The following PDE1C variants were observed in gnomAD, a reference collection of about 807,000 sequenced individuals.
PDE1C encodes the protein phosphodiesterase 1C.
Under a neutral mutation model 93.1 loss-of-function variants are expected in PDE1C, and 62 were observed. The observed-to-expected ratio is 0.67, with a 90% CI of 0.54 to 0.82. The LOEUF (loss-of-function observed/expected upper bound fraction) is 0.82. Among genes scored for constraint, PDE1C ranks in the 40% least tolerant of loss-of-function variants. The probability of loss-of-function intolerance (pLI) is 0.00; values close to 1 mark genes in which losing one functional copy is unlikely to be tolerated. For missense variants in PDE1C, 742 were observed against 884.6 expected, an observed-to-expected ratio of 0.84 and a Z score of 2.04; for synonymous variants, 325 against 310.1, an observed-to-expected ratio of 1.05 and a Z score of -0.50.
chr7:31,930,673 T>A (rs188149756), intron 2 of PDE1C, among the ~76,000 whole-genome samples: 165 of 151,574 alleles, frequency 1.1e-3, no homozygotes, highest in African/African-American at 3.9e-3. Flanking sequence ...ACCTCATCTC[T>A]ACTAAAAATA....
At position 31,970,893 on chromosome 7, in the gene PDE1C, A is replaced by T. The variant is rs543496403; in HGVS notation, c.128+80661T>A. Among the ~76,000 whole-genome samples, 3 of 152,292 alleles carry T rather than the reference A, an allele frequency of 2.0e-5. No individual in the cohort carries two copies. In the South Asian group the frequency reaches 6.2e-4, roughly 32 times the overall value. The stretch of plus-strand genomic sequence containing the variant: ...TGTGGTGGCTCATGCCTGTAATCCC[A>T]GCACTTTGGGAAGCTGAGGTGGGAG... On this transcript the variant is annotated intron_variant, in intron 2 of 17. Transcript: ENST00000396191.
At chr7:32,279,226 TC>T (rs1297623283) in intron 1 of PDE1C, among the ~76,000 whole-genome samples, 1 of 152,088 alleles carries the variant, frequency 6.6e-6, no homozygotes, top group East Asian at 1.9e-4. Flanking sequence ...AAAAGGCCAA[TC>T]AAAGAACATT....
intron 1 of PDE1C, among the ~76,000 whole-genome samples, chr7:32,247,864 T>A (rs886990780): frequency 2.6e-5 from 4 of 152,160 alleles, no homozygotes; most frequent in Non-Finnish European, 5.9e-5. Flanking sequence ...AACCCCATCA[T>A]AAGTCTGTAC....
chr7:31,620,316 C>G, the PDE1C span, among the ~76,000 whole-genome samples: 18,059 of 151,660 alleles, frequency 0.12, 1,211 homozygotes, highest in Middle Eastern at 0.18. Flanking sequence ...TCAAGTGGGT[C>G]CCTGACCCCT....
chr7:32,155,008 T>C (rs1236353634), intron 3 of PDE1C, among the ~76,000 whole-genome samples: 3 of 151,888 alleles, frequency 2.0e-5, no homozygotes, highest in Non-Finnish European at 4.4e-5. Context: ...GCAGTGAGAG[T>C]CCACACCAGG....
chr7:32,123,963 C>T (rs1338289137), intron 3 of PDE1C, among the ~76,000 whole-genome samples: 1 of 152,142 alleles, frequency 6.6e-6, no homozygotes, highest in East Asian at 1.9e-4. Flanking sequence ...ACCCCACCAT[C>T]GCAGCCCAAA....
chr7:31,636,235 G>A, the PDE1C span, among the ~76,000 whole-genome samples: 5,912 of 152,192 alleles, frequency 0.039, 404 homozygotes, highest in African/African-American at 0.14. Flanking sequence ...GATGAAATTT[G>A]GGTGGGGACA....
At chr7:31,864,703 C>G (rs1000516266) in intron 7 of PDE1C, among the ~76,000 whole-genome samples, 7 of 152,034 alleles carry the variant, frequency 4.6e-5, no homozygotes, top group African/African-American at 1.7e-4. Flanking sequence ...TGGTTATAAC[C>G]CAGTGAAGAC....
intron 1 of PDE1C, among the ~76,000 whole-genome samples, chr7:32,309,839 A>G (rs1289681071): frequency 5.9e-5 from 9 of 152,240 alleles, no homozygotes; most frequent in Non-Finnish European, 5.9e-5. Flanking sequence ...AAACTGGATC[A>G]ACTAACAAGC....
chr7:31,619,231 T>C, the PDE1C span, among the ~76,000 whole-genome samples: 1 of 152,208 alleles, frequency 6.6e-6, no homozygotes, highest in South Asian at 2.1e-4. Flanking sequence ...ATTTTTGTCA[T>C]AGTAAAATGG....
upstream of PDE1C, among the ~76,000 whole-genome samples, chr7:32,072,345 T>C (rs1018621058): frequency 2.0e-5 from 3 of 152,220 alleles, no homozygotes; most frequent in South Asian, 2.1e-4. Flanking sequence ...GAGGCGCATA[T>C]ATTTTCACTG....
chr7:31,837,184 C>G lies in PDE1C; in HGVS notation c.1199G>C (p.Arg400Thr). 1.2e-6 allele frequency: 2 copies of G among 1,612,908 alleles called. No homozygotes were observed. Among genetic ancestry groups the G allele is most frequent in the Non-Finnish European group, 1.7e-6 (2 of 1,179,486 alleles). Residue 400 changes from arginine to threonine, a missense_variant, in exon 11 of 18, where the codon AGA becomes ACA. Physicochemically the swap from Arg to Thr is moderately conservative, Grantham distance 71. Coordinates refer to ENST00000396191, the MANE Select transcript of PDE1C (RefSeq NM_001191057.4). ...GGAGAGAGAGCAACAAGGTACCTGT[C>G]TGAAGAACTCCTCCAGGAGTGACAT... ...WTMSLLEEFF[R>T]QGDREAELGL... is the part of the protein sequence containing the mutation.
intron 2 of PDE1C, among the ~76,000 whole-genome samples, chr7:31,946,169 T>G (rs1490049186): frequency 6.6e-6 from 1 of 152,170 alleles, no homozygotes; most frequent in Non-Finnish European, 1.5e-5. Context: ...TATTTGAGTT[T>G]GGGTCTAATG....
intron 1 of PDE1C, among the ~76,000 whole-genome samples, chr7:32,238,012 C>T (rs1428901486): frequency 1.3e-5 from 2 of 151,766 alleles, no homozygotes; most frequent in Non-Finnish European, 2.9e-5. Flanking sequence ...TCAGGTGATC[C>T]GCCCACCTCG....
At chr7:32,166,126 A>G (rs180742181) in intron 3 of PDE1C, among the ~76,000 whole-genome samples, 127 of 152,218 alleles carry the variant, frequency 8.3e-4, no homozygotes, top group Admixed American at 4.0e-3. Context: ...CAATGTACAC[A>G]TGCAACAAAA....
At chr7:32,163,897 C>A (rs1562537721) in intron 3 of PDE1C, among the ~76,000 whole-genome samples, 1 of 152,138 alleles carries the variant, frequency 6.6e-6, no homozygotes, top group African/African-American at 2.4e-5. Flanking sequence ...GTTTTAAAAA[C>A]TGAAGTGAGA....
chr7:32,299,003 G>A, exon 1 of PDE1C: 1 of 1,260,256 alleles, frequency 7.9e-7, no homozygotes, highest in Non-Finnish European at 1.0e-6. Context: ...GGCGGCGAGA[G>A]GAGTGTCAGG....
At chr7:31,816,852 G>A (rs1338617308) in intron 14 of PDE1C, among the ~76,000 whole-genome samples, 2 of 152,096 alleles carry the variant, frequency 1.3e-5, no homozygotes, top group South Asian at 2.1e-4. Context: ...CCTGGTCTGT[G>A]TCTTTCCTTT....
intron 17 of PDE1C, among the ~76,000 whole-genome samples, chr7:31,766,650 T>C (rs1748433167): frequency 6.6e-6 from 1 of 152,228 alleles, no homozygotes; most frequent in South Asian, 2.1e-4. Flanking sequence ...TATGAAATTA[T>C]TGCATTTGTA....
Sources: gnomAD v4.1 joint callset for allele counts (sites outside exome capture counted in the v4.1 genomes callset) on GRCh38, gnomAD v4.1.1 for gene constraint, MANE v1.5 for transcripts, NCBI Gene and HGNC (gene_info 2026-07-23, HGNC 2026-07-21) for gene names.